Variants in EHBP1 observed in about 807,000 individuals in gnomAD.
The protein encoded by EHBP1 is EH domain binding protein 1.
In EHBP1, 55 loss-of-function variants were observed where a neutral mutation model predicts 144.0. The ratio of observed to expected loss-of-function variants is 0.38; its 90% CI spans 0.31 to 0.48. The LOEUF is 0.48. Among genes scored for constraint, EHBP1 ranks in the 20% least tolerant of loss-of-function variants. The pLI is 0.98. For synonymous variants in EHBP1, 469 were observed against 472.7 expected, an observed-to-expected ratio of 0.99 and a Z score of 0.10; for missense variants, 1,200 against 1,364.2, an observed-to-expected ratio of 0.88 and a Z score of 1.90.
At chr2:62,826,063 C>CT (rs759972072) in intron 5 of EHBP1, 24 bp from the exon 6 acceptor site, 556 of 1,404,240 alleles carry the variant, frequency 4.0e-4, no homozygotes, top group South Asian at 9.7e-4. Flanking sequence ...AAATTACATA[C>CT]TTTTTTTTTC....
chr2:62,788,355 A>G lies in EHBP1; in HGVS notation c.312+16963A>G, dbSNP rs578182933. ...ATGTGTTGTGATGTTTTTTCCCTTA[A>G]AACCAAATTCTTCCAATTAAAAGAA... On this transcript the variant is annotated intron_variant, in intron 5 of 22. Coordinates refer to ENST00000431489, the MANE Select transcript of EHBP1 (RefSeq NM_001142616.3). 3.9e-5 allele frequency among the ~76,000 whole-genome samples: 6 copies of G among 152,188 alleles called. No individual in the cohort carries two copies. The South Asian group carries it at 1.2e-3, about 32-fold the overall frequency.
At chr2:62,968,999 TAGTC>T (rs2058371568) in intron 14 of EHBP1, among the ~76,000 whole-genome samples, 1 of 152,224 alleles carries the variant, frequency 6.6e-6, no homozygotes, top group African/African-American at 2.4e-5. Context: ...GATACTTACT[TAGTC>T]AGCCATTCTT....
chr2:62,987,955 A>G (rs1425363438), intron 15 of EHBP1: 2 of 1,596,906 alleles, frequency 1.3e-6, no homozygotes, highest in Non-Finnish European at 1.7e-6. Flanking sequence ...ATTGAGATAG[A>G]TACTAACGAG....
chr2:62,899,076 A>C (rs2053186730), intron 10 of EHBP1, among the ~76,000 whole-genome samples: 2 of 152,220 alleles, frequency 1.3e-5, no homozygotes, highest in African/African-American at 4.8e-5. Context: ...AACTATAAGA[A>C]AATGGCCCTT....
chr2:62,990,565 G>T (rs1425213689), intron 15 of EHBP1, 151 bp from the exon 16 acceptor site: 3 of 728,866 alleles, frequency 4.1e-6, no homozygotes, highest in African/African-American at 3.6e-5. Context: ...ATATATATAT[G>T]TAAAGGATTT....
intron 1 of EHBP1, among the ~76,000 whole-genome samples, chr2:62,699,020 T>C (rs185848766): frequency 6.6e-6 from 1 of 152,332 alleles, no homozygotes; most frequent in Admixed American, 6.5e-5. Flanking sequence ...CTTTGTACTG[T>C]ATGGGATGGA....
At chr2:62,729,633 A>G (rs1038906094) in intron 2 of EHBP1, among the ~76,000 whole-genome samples, 12 of 140,748 alleles carry the variant, frequency 8.5e-5, no homozygotes, top group Non-Finnish European at 1.7e-4. Context: ...ATAAAATAAA[A>G]TAAAATAATA....
At chr2:62,755,525 A>G (rs1339869596) in intron 3 of EHBP1, among the ~76,000 whole-genome samples, 2 of 152,194 alleles carry the variant, frequency 1.3e-5, no homozygotes, top group East Asian at 3.9e-4. Flanking sequence ...AAGGAAAGGC[A>G]TAACCAGGTA....
intron 8 of EHBP1, among the ~76,000 whole-genome samples, chr2:62,863,620 A>G (rs530350129): frequency 1.4e-4 from 21 of 152,192 alleles, no homozygotes; most frequent in South Asian, 8.3e-4. Context: ...TAAAAGCTCT[A>G]AAGATTTAAA....
chr2:62,818,141 T>C (rs1349458379), intron 5 of EHBP1, among the ~76,000 whole-genome samples: 1 of 148,794 alleles, frequency 6.7e-6, no homozygotes, highest in Non-Finnish European at 1.5e-5. Context: ...TGAGTGGAGC[T>C]TGCAGGCTGG....
intron 2 of EHBP1, among the ~76,000 whole-genome samples, chr2:62,717,969 G>T (rs1212502323): frequency 1.3e-5 from 2 of 152,134 alleles, no homozygotes; most frequent in Non-Finnish European, 2.9e-5. Context: ...GGCAAAAAGG[G>T]ATGCACATTG....
At position 62,859,046 on chromosome 2, in the gene EHBP1, A is replaced by G. The variant is rs986528842; in HGVS notation, c.635-123A>G. On this transcript the variant is annotated intron_variant, in intron 7 of 22. Transcript: ENST00000431489. ...TTGAATGGCATTCTGTCATTGGTAAAATGCTATATACTATTATTTGCAGGT... is the reference window on the plus strand; with the variant it reads ...TTGAATGGCATTCTGTCATTGGTAAGATGCTATATACTATTATTTGCAGGT... The G allele has an allele frequency of 1.7e-5, 15 of 868,544 alleles. No homozygotes were observed. In the Admixed American group the frequency reaches 4.3e-4, roughly 25 times the overall value. The allele number at this position is 868,544 out of a possible 1,614,324, so 53.8% of individuals were successfully genotyped here.
intron 5 of EHBP1, among the ~76,000 whole-genome samples, chr2:62,786,690 T>G (rs769294510): frequency 6.6e-6 from 1 of 152,246 alleles, no homozygotes; most frequent in Non-Finnish European, 1.5e-5. Context: ...TCACATCTTG[T>G]TTAATTTCTG....
intron 2 of EHBP1, among the ~76,000 whole-genome samples, chr2:62,743,733 C>T (rs1374799109): frequency 1.3e-5 from 2 of 152,058 alleles, no homozygotes; most frequent in African/African-American, 4.8e-5. Context: ...AGTTTTCATA[C>T]ACAGTAGCTC....
intron 1 of EHBP1, among the ~76,000 whole-genome samples, chr2:62,685,205 G>A (rs953986246): frequency 1.3e-5 from 2 of 152,142 alleles, no homozygotes; most frequent in Non-Finnish European, 2.9e-5. Context: ...ATAAATATTT[G>A]AGGTAATGGA....
At chr2:62,819,932 T>C (rs1048303423) in intron 5 of EHBP1, among the ~76,000 whole-genome samples, 1 of 152,010 alleles carries the variant, frequency 6.6e-6, no homozygotes, top group Non-Finnish European at 1.5e-5. Context: ...ATGTTGAGGC[T>C]GGGCGTGGTG....
chr2:63,021,046 CT>C (rs1172394742), intron 19 of EHBP1, among the ~76,000 whole-genome samples: 2 of 124,970 alleles, frequency 1.6e-5, no homozygotes, highest in African/African-American at 6.1e-5. Flanking sequence ...TGTTCTCAAA[CT>C]CCTGGACTCG....
chr2:62,937,305 T>A (rs530039201), intron 10 of EHBP1, among the ~76,000 whole-genome samples: 7 of 152,344 alleles, frequency 4.6e-5, no homozygotes, highest in African/African-American at 1.4e-4. Flanking sequence ...GGAACTCCTC[T>A]GCTTCCTGAG....
At chr2:63,016,535 AT>A (rs2060491608) in intron 19 of EHBP1, among the ~76,000 whole-genome samples, 1 of 151,600 alleles carries the variant, frequency 6.6e-6, no homozygotes, top group Non-Finnish European at 1.5e-5. Context: ...GGTTCAAGTG[AT>A]TCTCCCACCT....
Sources: allele counts gnomAD v4.1 joint callset (sites outside exome capture counted in the v4.1 genomes callset), GRCh38; gene constraint gnomAD v4.1.1; transcripts MANE v1.5; gene names NCBI Gene and HGNC (gene_info 2026-07-23, HGNC 2026-07-21).